Variants in RIT2 observed in about 807,000 individuals in gnomAD.
RIT2 encodes the protein Ras like without CAAX 2.
Under a neutral mutation model 23.7 loss-of-function variants are expected in RIT2, and 24 were observed. The ratio of observed to expected loss-of-function variants is 1.01; its 90% CI spans 0.73 to 1.43. The LOEUF is 1.43. Ranked by LOEUF, RIT2 falls within the 40% of genes most tolerant of loss-of-function variation. The pLI, the probability that RIT2 is intolerant of heterozygous loss-of-function variation, is 0.00. For missense variants in RIT2, 236 were observed against 266.9 expected (o/e 0.88, Z 0.81); for synonymous variants, 107 against 91.1 (o/e 1.17, Z -0.99).
chr18:42,780,647 A>T (rs1913789175), intron 4 of RIT2, among the ~76,000 whole-genome samples: 1 of 152,162 alleles, frequency 6.6e-6, no homozygotes, highest in African/African-American at 2.4e-5. Context: ...TTTACACCAG[A>T]GACAAGTTGG....
intron 4 of RIT2, among the ~76,000 whole-genome samples, chr18:42,768,976 G>A (rs1344773930): frequency 6.6e-6 from 1 of 152,152 alleles, no homozygotes; most frequent in Admixed American, 6.5e-5. Context: ...ACCCAGGCCA[G>A]GCTATTCAGA....
intron 1 of RIT2, among the ~76,000 whole-genome samples, chr18:43,112,448 G>A (rs1292115293): frequency 6.6e-6 from 1 of 152,152 alleles, no homozygotes; most frequent in Admixed American, 6.5e-5. Context: ...TGCATAATAC[G>A]TGCTCAGTAA....
At chr18:42,829,259 C>T (rs1390247668) in intron 4 of RIT2, among the ~76,000 whole-genome samples, 6 of 152,184 alleles carry the variant, frequency 3.9e-5, no homozygotes, top group Non-Finnish European at 2.9e-5. Flanking sequence ...ACCTTAAAGA[C>T]ATATATGATT....
At chr18:42,792,984 T>C (rs11873248) in intron 4 of RIT2, among the ~76,000 whole-genome samples, 49,329 of 151,844 alleles carry the variant, frequency 0.32, 10,724 homozygotes, top group African/African-American at 0.61. Context: ...GTATTCTTAT[T>C]CAGATACCAA....
At chr18:43,036,866 T>C (rs1911992994) in intron 1 of RIT2, among the ~76,000 whole-genome samples, 1 of 152,218 alleles carries the variant, frequency 6.6e-6, no homozygotes, top group South Asian at 2.1e-4. Context: ...AAAAACAATT[T>C]TTGAAAAATC....
chr18:42,890,304 T>C (rs1471115165), intron 4 of RIT2, among the ~76,000 whole-genome samples: 4 of 152,046 alleles, frequency 2.6e-5, no homozygotes, highest in Non-Finnish European at 5.9e-5. Context: ...GAAATTGTCA[T>C]GAAAGTAACC....
intron 1 of RIT2, among the ~76,000 whole-genome samples, chr18:43,099,620 A>G (rs1913636187): frequency 6.6e-6 from 1 of 152,080 alleles, no homozygotes; most frequent in Non-Finnish European, 1.5e-5. Flanking sequence ...CTTAAACTCA[A>G]TGGGAGTATA....
intron 3 of RIT2, among the ~76,000 whole-genome samples, chr18:42,947,711 T>C (rs1395914856): frequency 6.6e-6 from 1 of 152,068 alleles, no homozygotes; most frequent in African/African-American, 2.4e-5. Flanking sequence ...GAATTAGAAA[T>C]GTGGGTCAGT....
intron 1 of RIT2, among the ~76,000 whole-genome samples, chr18:43,079,395 G>A (rs55880962): frequency 0.22 from 33,218 of 152,060 alleles, 4,137 homozygotes; most frequent in East Asian, 0.55. Flanking sequence ...TTTCTATTCC[G>A]CTATAAACAT....
rs944791372 is a variant in RIT2 at position 43,053,946 on chromosome 18, A to T, written c.104-20079T>A. On this transcript the variant is annotated intron_variant, in intron 1 of 4. Coordinates refer to ENST00000326695, the MANE Select transcript of RIT2 (RefSeq NM_002930.4). Reference sequence around the variant, plus strand: ...TACTTGCCTACAATAGAGTCATACAAATGTATTTTGGACCCTATCACATCA... The same window carrying T: ...TACTTGCCTACAATAGAGTCATACATATGTATTTTGGACCCTATCACATCA... Among the ~76,000 whole-genome samples, 5 of 152,144 alleles carry T rather than the reference A, an allele frequency of 3.3e-5. No individual in the cohort carries two copies. In the East Asian group the frequency reaches 9.7e-4, roughly 30 times the overall value.
intron 4 of RIT2, among the ~76,000 whole-genome samples, chr18:42,779,344 G>C (rs796734050): frequency 8.5e-5 from 13 of 152,154 alleles, no homozygotes; most frequent in African/African-American, 3.1e-4. Context: ...CCCTTCCTCT[G>C]TTGGAGAGTA....
At chr18:43,025,837 A>C (rs1598752168) in intron 2 of RIT2, among the ~76,000 whole-genome samples, 1 of 152,134 alleles carries the variant, frequency 6.6e-6, no homozygotes, top group African/African-American at 2.4e-5. Flanking sequence ...AAAAGGTGGG[A>C]TGGTCGGGGG....
At chr18:42,929,826 GT>G (rs1217493393) in intron 3 of RIT2, among the ~76,000 whole-genome samples, 1 of 152,148 alleles carries the variant, frequency 6.6e-6, no homozygotes, top group Non-Finnish European at 1.5e-5. Context: ...AGGAGCACAT[GT>G]GAGGGGAACT....
rs554042298 is a variant in RIT2 at position 43,103,263 on chromosome 18, T to C, written c.103+12154A>G. ...TATTTTACTACATATGCCCGGTGTC[T>C]TACTTTCTGAATTTCCTCAAAGATG... is the stretch of plus-strand genomic sequence containing the variant. On this transcript the variant is annotated intron_variant, in intron 1 of 4. Coordinates refer to ENST00000326695, the MANE Select transcript of RIT2 (RefSeq NM_002930.4). 1.6e-3 allele frequency among the ~76,000 whole-genome samples: 248 copies of C among 152,310 alleles called. 2 individuals carry two copies. Among genetic ancestry groups the C allele is most frequent in the African/African-American group, 5.3e-3 (221 of 41,566 alleles).
At chr18:42,768,729 G>A (rs1341346735) in intron 4 of RIT2, among the ~76,000 whole-genome samples, 2 of 151,474 alleles carry the variant, frequency 1.3e-5, no homozygotes, top group East Asian at 1.9e-4. Context: ...CAGGATATAC[G>A]ACCATGCCCA....
intron 4 of RIT2, among the ~76,000 whole-genome samples, chr18:42,754,083 T>A (rs1006752391): frequency 6.6e-6 from 1 of 152,142 alleles, no homozygotes; most frequent in African/African-American, 2.4e-5. Context: ...TCCCCAATTA[T>A]CTTTTTTAGA....
intron 4 of RIT2, among the ~76,000 whole-genome samples, chr18:42,830,257 G>C (rs1256185248): frequency 1.3e-5 from 2 of 152,162 alleles, no homozygotes; most frequent in African/African-American, 4.8e-5. Context: ...AAAGCCAAAG[G>C]TGCAGTTTCT....
intron 4 of RIT2, among the ~76,000 whole-genome samples, chr18:42,752,823 A>G (rs1913077530): frequency 6.6e-6 from 1 of 152,192 alleles, no homozygotes; most frequent in African/African-American, 2.4e-5. Context: ...TGCAGATATC[A>G]TTATACCACA....
intron 2 of RIT2, among the ~76,000 whole-genome samples, chr18:43,001,404 A>G (rs1423961689): frequency 6.6e-6 from 1 of 152,022 alleles, no homozygotes. Flanking sequence ...ATAAGGAAAA[A>G]AATGTATAAG....
Sources: gnomAD v4.1 joint callset for allele counts (sites outside exome capture counted in the v4.1 genomes callset) on GRCh38, gnomAD v4.1.1 for gene constraint, MANE v1.5 for transcripts, NCBI Gene and HGNC (gene_info 2026-07-23, HGNC 2026-07-21) for gene names.